The following EXOC4 variants were observed in gnomAD, a reference collection of about 807,000 sequenced individuals.
The protein encoded by EXOC4 is SEC8-like 1.
In EXOC4, 71 loss-of-function variants were observed where a neutral mutation model predicts 107.2. That is an observed-to-expected ratio of 0.66 (90% CI 0.55 to 0.81). The LOEUF (loss-of-function observed/expected upper bound fraction) is 0.81. Among genes scored for constraint, EXOC4 ranks in the 30% least tolerant of loss-of-function variants. The pLI is 0.00. For missense variants in EXOC4, 1,108 were observed against 1,189.6 expected, an observed-to-expected ratio of 0.93 and a Z score of 1.01; for synonymous variants, 456 against 441.2, an observed-to-expected ratio of 1.03 and a Z score of -0.42.
In EXOC4 at chr7:133,810,081, C is replaced by T. The variant is rs190509829; in HGVS notation, c.1515-7244C>T. On this transcript the variant is annotated intron_variant, in intron 10 of 17. Transcript: ENST00000253861. The stretch of plus-strand genomic sequence containing the variant: ...TTGTCCCATTATTAGTGATGCTGGC[C>T]GTCGAATTTTAAAAGCTTTTTAGGA... Among the ~76,000 whole-genome samples the T allele has an allele frequency of 2.2e-3, 270 of 125,030 alleles. 1 individual carries two copies. The highest frequency in any genetic ancestry group is 3.0e-3 in the Admixed American group (40 of 13,514). The allele number at this position is 125,030 out of a possible 152,430, so 82.0% of individuals were successfully genotyped here. A position where few individuals can be genotyped will look rare whatever the true frequency, so the allele number is the denominator to read the frequency against.
At chr7:133,535,596 T>C (rs1326289796) in intron 9 of EXOC4, among the ~76,000 whole-genome samples, 1 of 152,218 alleles carries the variant, frequency 6.6e-6, no homozygotes, top group Non-Finnish European at 1.5e-5. Flanking sequence ...AAGAGCAGCC[T>C]GAGTAATCAG....
intron 10 of EXOC4, among the ~76,000 whole-genome samples, chr7:133,677,083 A>G (rs970827117): frequency 5.3e-5 from 8 of 151,904 alleles, no homozygotes; most frequent in African/African-American, 1.7e-4. Context: ...CTTACAAGGT[A>G]TTATTCTGTT....
intron 11 of EXOC4, among the ~76,000 whole-genome samples, chr7:133,862,673 A>G (rs986817765): frequency 6.6e-5 from 10 of 152,326 alleles, no homozygotes; most frequent in Non-Finnish European, 1.5e-4. Flanking sequence ...TAGGATGTCT[A>G]CAAGAAGTCA....
chr7:133,984,960 G>A (rs1007447584), intron 14 of EXOC4, among the ~76,000 whole-genome samples: 5 of 152,168 alleles, frequency 3.3e-5, no homozygotes, highest in Admixed American at 6.5e-5. Flanking sequence ...AGATGAAAAC[G>A]TCTCTTAAGC....
chr7:133,508,699 GTC>G (rs1799711531), intron 9 of EXOC4, among the ~76,000 whole-genome samples: 1 of 152,170 alleles, frequency 6.6e-6, no homozygotes, highest in Non-Finnish European at 1.5e-5. Context: ...GTTTGTACCT[GTC>G]TCCTCCATTT....
chr7:133,569,038 A>G (rs28398126), intron 9 of EXOC4, among the ~76,000 whole-genome samples: 4,760 of 152,266 alleles, frequency 0.031, 242 homozygotes, highest in African/African-American at 0.11. Flanking sequence ...AAGAAAACTA[A>G]TTTGAGAGAG....
intron 11 of EXOC4, among the ~76,000 whole-genome samples, chr7:133,822,833 G>A (rs927984708): frequency 6.6e-5 from 10 of 152,216 alleles, no homozygotes; most frequent in African/African-American, 2.4e-4. Flanking sequence ...CGTGAAGTTA[G>A]GAAACGGGAT....
chr7:133,603,392 G>A (rs913469832), intron 9 of EXOC4, among the ~76,000 whole-genome samples: 8 of 152,028 alleles, frequency 5.3e-5, no homozygotes, highest in African/African-American at 1.9e-4. Context: ...CAAAGATGGG[G>A]GTATCTTTTG....
intron 17 of EXOC4, among the ~76,000 whole-genome samples, chr7:134,060,683 T>C (rs1159286182): frequency 1.3e-5 from 2 of 152,168 alleles, no homozygotes; most frequent in African/African-American, 4.8e-5. Flanking sequence ...TTTTCTATTT[T>C]CTCTTTAGGA....
chr7:133,514,399 T>A (rs1176358716), intron 9 of EXOC4, among the ~76,000 whole-genome samples: 1 of 152,166 alleles, frequency 6.6e-6, no homozygotes, highest in Non-Finnish European at 1.5e-5. Flanking sequence ...GCTGACCTCA[T>A]GATCCGCCTT....
intron 2 of EXOC4, among the ~76,000 whole-genome samples, chr7:133,275,519 G>C (rs73724532): frequency 0.015 from 2,321 of 152,264 alleles, 64 homozygotes; most frequent in African/African-American, 0.053. Context: ...CATTCTAGCA[G>C]TTATTCTTGT....
chr7:133,923,161 G>C (rs10251286), intron 13 of EXOC4, among the ~76,000 whole-genome samples: 17,553 of 135,532 alleles, frequency 0.13, 1,160 homozygotes, highest in Middle Eastern at 0.18. Flanking sequence ...ACAGAGTTTC[G>C]CCCTTCGCCC....
At chr7:133,379,989 A>G (rs1265547872) in intron 7 of EXOC4, among the ~76,000 whole-genome samples, 3 of 152,096 alleles carry the variant, frequency 2.0e-5, no homozygotes, top group South Asian at 2.1e-4. Context: ...ATGTAGTTTC[A>G]AATGAGTGAT....
At chr7:133,320,874 A>G (rs1327446207) in intron 5 of EXOC4, among the ~76,000 whole-genome samples, 2 of 152,226 alleles carry the variant, frequency 1.3e-5, no homozygotes, top group African/African-American at 4.8e-5. Flanking sequence ...ATATAAAAGT[A>G]TGGGGCTGAT....
At chr7:133,500,502 T>C (rs899457235) in intron 9 of EXOC4, among the ~76,000 whole-genome samples, 30 of 152,198 alleles carry the variant, frequency 2.0e-4, no homozygotes, top group Non-Finnish European at 4.1e-4. Context: ...TAGGACTCTG[T>C]TGTATGGAGA....
intron 17 of EXOC4, among the ~76,000 whole-genome samples, chr7:134,039,933 G>A (rs1310053123): frequency 6.6e-6 from 1 of 152,148 alleles, no homozygotes; most frequent in African/African-American, 2.4e-5. Context: ...TGTGAAAGTA[G>A]CCTCAAGATC....
chr7:133,922,841 T>C (rs865912671), intron 13 of EXOC4, among the ~76,000 whole-genome samples: 20 of 150,118 alleles, frequency 1.3e-4, no homozygotes, highest in African/African-American at 4.7e-4. Context: ...AGAGCGAGAC[T>C]CCGTCTCAAA....
chr7:133,924,931 T>C (rs920433832), intron 13 of EXOC4, among the ~76,000 whole-genome samples: 3 of 152,252 alleles, frequency 2.0e-5, no homozygotes, highest in African/African-American at 7.2e-5. Flanking sequence ...TGGTATATGA[T>C]TGACTCTTTC....
At chr7:133,436,869 TTTTCCCATGAGCTTAGTGTCAA>T (rs1244165729) in intron 7 of EXOC4, among the ~76,000 whole-genome samples, 1 of 152,172 alleles carries the variant, frequency 6.6e-6, no homozygotes, top group Non-Finnish European at 1.5e-5. Context: ...ACTTATGATC[TTTTCCCATGAGCTTAGTGTCAA>T]TTTCCTGGAG....
Sources: allele counts gnomAD v4.1 joint callset (sites outside exome capture counted in the v4.1 genomes callset), GRCh38; gene constraint gnomAD v4.1.1; transcripts MANE v1.5; gene names NCBI Gene and HGNC (gene_info 2026-07-23, HGNC 2026-07-21).